The following ENPEP variants were observed in gnomAD, a reference collection of about 807,000 sequenced individuals.
ENPEP encodes the protein AP-A.
In ENPEP, 103 loss-of-function variants were observed where a neutral mutation model predicts 114.5. The ratio of observed to expected loss-of-function variants is 0.90; its 90% CI spans 0.77 to 1.06. The LOEUF (loss-of-function observed/expected upper bound fraction) is 1.06, where lower values mean the gene tolerates loss of function less well. Ranked by LOEUF, ENPEP falls within the 50% of genes least tolerant of loss-of-function variation. The pLI, the probability that ENPEP is intolerant of heterozygous loss-of-function variation, is 0.00. For missense variants in ENPEP, 1,196 were observed against 1,161.3 expected (o/e 1.03, Z -0.43); for synonymous variants, 420 against 422.0 (o/e 1.00, Z 0.06).
At chr4:110,559,789 A>T (rs967800673) in intron 19 of ENPEP, 64 bp downstream of exon 19, 3 of 1,351,794 alleles carry the variant, frequency 2.2e-6, no homozygotes, top group Admixed American at 1.9e-5. Context: ...TTTAAAAAAA[A>T]TTTTACTTTA....
Position 110,549,392 on chromosome 4 carries a change from G to A in ENPEP, c.2198G>A (p.Trp733Ter), listed in dbSNP as rs1475672328. The A allele has an allele frequency of 1.2e-6, 2 of 1,613,250 alleles. No homozygotes were observed. Among genetic ancestry groups the A allele is most frequent in the Non-Finnish European group, 8.5e-7 (1 of 1,179,482 alleles). ...AAGCCTATTGCAGATTCTCTGGGAT[G>A]GAATGATGCTGGAGACCATGTCACA... Reference protein sequence around the residue: ...QVKPIADSLGWNDAGDHVTKL... With the variant: ...QVKPIADSLG Residue 733 changes from tryptophan (W) to a stop codon, truncating the protein, a stop_gained, in exon 15 of 20, where the codon TGG becomes TAG. Transcript: ENST00000265162. LOFTEE classifies it high-confidence loss of function.
At chr4:110,519,128 G>A in intron 8 of ENPEP, 1 of 455,532 alleles carries the variant, frequency 2.2e-6, no homozygotes, top group South Asian at 1.6e-5. Context: ...AAATATGGAG[G>A]CAGCATTCCA....
chr4:110,510,622 A>C (rs967307499), intron 6 of ENPEP, among the ~76,000 whole-genome samples: 21 of 152,158 alleles, frequency 1.4e-4, no homozygotes, highest in African/African-American at 2.9e-4. Flanking sequence ...AAAAAAAAAA[A>C]AAAACAGGTG....
chr4:110,552,766 A>C (rs1018006853), intron 17 of ENPEP, among the ~76,000 whole-genome samples: 1 of 152,146 alleles, frequency 6.6e-6, no homozygotes, highest in Non-Finnish European at 1.5e-5. Flanking sequence ...CATTTAATTT[A>C]TCTTGTACTT....
chr4:110,492,205 G>A (rs1724750611), intron 3 of ENPEP, among the ~76,000 whole-genome samples: 1 of 152,040 alleles, frequency 6.6e-6, no homozygotes, highest in Admixed American at 6.5e-5. Flanking sequence ...TTTATAAGGA[G>A]GAAATCATCA....
At position 110,519,433 on chromosome 4, in the gene ENPEP, G is replaced by T. The variant is rs1365386869; in HGVS notation, c.1510-575G>T. The T allele has an allele frequency of 2.4e-5, 4 of 167,922 alleles. No individual in the cohort carries two copies. The East Asian group carries it at 6.2e-4, about 26-fold the overall frequency. 10.4% of individuals were successfully genotyped at this position (167,922 alleles called of 1,614,324 possible). A position where few individuals can be genotyped will look rare whatever the true frequency, so the allele number is the denominator to read the frequency against. On this transcript the variant is annotated intron_variant, in intron 8 of 19. Transcript: ENST00000265162. ...ACTGGCAAACTCCAAGTGGCTCCCA[G>T]TTACGGGATTAGAAGACTGGGAATT...
At chr4:110,484,128 G>A (rs535495906) in intron 1 of ENPEP, among the ~76,000 whole-genome samples, 75 of 152,244 alleles carry the variant, frequency 4.9e-4, no homozygotes, top group African/African-American at 1.8e-3. Flanking sequence ...GAAAGCACTA[G>A]CATTCTAGAT....
intron 11 of ENPEP, 68 bp from the exon 12 acceptor site, chr4:110,542,683 G>T: frequency 7.1e-7 from 1 of 1,410,518 alleles, no homozygotes; most frequent in South Asian, 1.6e-5. Flanking sequence ...TTGCCCTCTG[G>T]GTCTAATTTC....
intron 13 of ENPEP, among the ~76,000 whole-genome samples, chr4:110,545,929 T>C (rs1727037159): frequency 6.6e-6 from 1 of 151,984 alleles, no homozygotes; most frequent in Admixed American, 6.6e-5. Flanking sequence ...TCTTTTAGAT[T>C]TCTCAGGGTG....
chr4:110,548,652 TTATC>T (rs774097301), intron 14 of ENPEP, among the ~76,000 whole-genome samples: 6 of 152,044 alleles, frequency 3.9e-5, no homozygotes, highest in South Asian at 2.1e-4. Flanking sequence ...AAAATGGACT[TTATC>T]TATGTTAAAG....
chr4:110,490,142 T>G (rs1046814821), intron 2 of ENPEP, among the ~76,000 whole-genome samples: 13 of 152,026 alleles, frequency 8.6e-5, no homozygotes, highest in African/African-American at 2.9e-4. Flanking sequence ...CTGTGCAGAG[T>G]TACACTTTAC....
chr4:110,552,650 C>A (rs1727334214), intron 17 of ENPEP, among the ~76,000 whole-genome samples: 1 of 151,946 alleles, frequency 6.6e-6, no homozygotes, highest in Admixed American at 6.6e-5. Context: ...GTGTGCTGAC[C>A]TTTTTTGGAA....
chr4:110,507,086 A>G (rs1186338711), intron 4 of ENPEP, among the ~76,000 whole-genome samples: 2 of 152,218 alleles, frequency 1.3e-5, no homozygotes, highest in African/African-American at 4.8e-5. Flanking sequence ...AGATCAGTTG[A>G]TTTCAAAATC....
chr4:110,520,353 C>T lies in ENPEP; in HGVS notation c.1714C>T (p.Pro572Ser). 1 of 1,613,962 alleles carries T rather than the reference C, an allele frequency of 6.2e-7. No individual in the cohort carries two copies. The highest frequency in any genetic ancestry group is 1.1e-5 in the South Asian group (1 of 91,074). The change falls in exon 10 of 20, where the codon CCT becomes TCT. Residue 572 changes from proline to serine, a missense_variant. Physicochemically the swap from Pro to Ser is moderately conservative, Grantham distance 74 (BLOSUM62 -1). Coordinates refer to ENST00000265162, the MANE Select transcript of ENPEP (RefSeq NM_001977.4). ...CCCAAGAGCTAACCCTTCTCAGCCC[C>T]CTTCAGATCTTGGGTAAGGCTCTAT... is the stretch of plus-strand genomic sequence containing the variant. ...LDPRANPSQPPSDLGYTWNIP... is the reference protein window; with the variant it reads ...LDPRANPSQPSSDLGYTWNIP...
intron 1 of ENPEP, among the ~76,000 whole-genome samples, chr4:110,484,155 G>T (rs951301645): frequency 6.6e-6 from 1 of 152,148 alleles, no homozygotes; most frequent in Non-Finnish European, 1.5e-5. Context: ...GATGTAGAAT[G>T]AGGTATATCC....
chr4:110,478,436 T>C (rs1724192990), intron 1 of ENPEP, among the ~76,000 whole-genome samples: 2 of 36,134 alleles, frequency 5.5e-5, no homozygotes, highest in African/African-American at 3.4e-4. Flanking sequence ...CAAAATAATC[T>C]GTAAAATAAT....
At chr4:110,548,840 A>G (rs1727176122) in intron 14 of ENPEP, among the ~76,000 whole-genome samples, 1 of 152,068 alleles carries the variant, frequency 6.6e-6, no homozygotes, top group African/African-American at 2.4e-5. Context: ...TCAAATCTCT[A>G]GCTCTTCTAT....
intron 11 of ENPEP, among the ~76,000 whole-genome samples, chr4:110,539,541 C>T (rs1726772586): frequency 6.6e-6 from 1 of 152,020 alleles, no homozygotes; most frequent in Admixed American, 6.6e-5. Context: ...TTACTCGTGT[C>T]TTTCAGTTGT....
At chr4:110,527,911 G>A (rs1156265660) in intron 10 of ENPEP, among the ~76,000 whole-genome samples, 1 of 151,942 alleles carries the variant, frequency 6.6e-6, no homozygotes, top group Non-Finnish European at 1.5e-5. Flanking sequence ...TAATTAATGG[G>A]GTTGGATTTT....
Sources: gnomAD v4.1 joint callset for allele counts (sites outside exome capture counted in the v4.1 genomes callset) on GRCh38, gnomAD v4.1.1 for gene constraint, MANE v1.5 for transcripts, NCBI Gene and HGNC (gene_info 2026-07-23, HGNC 2026-07-21) for gene names.